Variants in MKLN1 observed in about 807,000 individuals in gnomAD.
MKLN1 encodes the protein muskelin.
In MKLN1, 18 loss-of-function variants were observed where a neutral mutation model predicts 99.0. The observed-to-expected ratio is 0.18, with a 90% confidence interval of 0.13 to 0.27. The LOEUF is 0.27. Ranked by LOEUF, MKLN1 falls within the 10% of genes least tolerant of loss-of-function variation. The probability of loss-of-function intolerance (pLI) is 1.00; values close to 1 mark genes in which losing one functional copy is unlikely to be tolerated. For missense variants in MKLN1, 621 were observed against 875.9 expected, an observed-to-expected ratio of 0.71 and a Z score of 3.67; for synonymous variants, 288 against 293.2, an observed-to-expected ratio of 0.98 and a Z score of 0.18.
At chr7:131,307,871 A>G (rs1469292868) in intron 3 of MKLN1, among the ~76,000 whole-genome samples, 2 of 152,204 alleles carry the variant, frequency 1.3e-5, no homozygotes, top group Admixed American at 6.5e-5. Context: ...TTGAGGAGGA[A>G]TAATTGTATT....
At chr7:131,330,250 A>G (rs1217255335) in intron 1 of MKLN1, among the ~76,000 whole-genome samples, 1 of 152,240 alleles carries the variant, frequency 6.6e-6, no homozygotes, top group African/African-American at 2.4e-5. Context: ...TGGAAACCAT[A>G]TTAAGGTACT....
intron 1 of MKLN1, among the ~76,000 whole-genome samples, chr7:131,111,036 C>T (rs1460330821): frequency 6.6e-6 from 1 of 152,216 alleles, no homozygotes; most frequent in Non-Finnish European, 1.5e-5. Context: ...ACATTACTTC[C>T]TTCACTGGAG....
chr7:131,362,608 A>AT (rs1424017663), intron 1 of MKLN1, among the ~76,000 whole-genome samples: 1 of 151,818 alleles, frequency 6.6e-6, no homozygotes, highest in African/African-American at 2.4e-5. Context: ...CCAATTATAT[A>AT]TTTTTTTGTC....
chr7:131,457,097 G>A (rs1028213846), intron 12 of MKLN1, among the ~76,000 whole-genome samples: 1 of 151,688 alleles, frequency 6.6e-6, no homozygotes, highest in African/African-American at 2.4e-5. Flanking sequence ...GACCAACATG[G>A]AGAAACCCCG....
At chr7:131,133,851 C>T (rs112625722) in intron 1 of MKLN1, among the ~76,000 whole-genome samples, 39,859 of 81,640 alleles carry the variant, frequency 0.49, 8,981 homozygotes, top group East Asian at 0.78. Flanking sequence ...TTTTTTGAGA[C>T]GAAGTTTTGC....
rs543994346 is a variant in MKLN1 at position 131,435,494 on chromosome 7, A to G, written c.961-2291A>G. Among the ~76,000 whole-genome samples, 3 of 152,240 alleles carry G rather than the reference A, an allele frequency of 2.0e-5. No individual in the cohort carries two copies. The East Asian group carries it at 5.8e-4, about 29-fold the overall frequency. On this transcript the variant is annotated intron_variant, in intron 9 of 17. Coordinates refer to ENST00000352689, the MANE Select transcript of MKLN1 (RefSeq NM_013255.5). ...CTTGATTTTCTGAAAAATTTTGTCT[A>G]AAACTGATACCATTTTTTCCTTAAG...
intron 1 of MKLN1, among the ~76,000 whole-genome samples, chr7:131,365,293 T>C (rs1183373036): frequency 6.6e-6 from 1 of 152,172 alleles, no homozygotes; most frequent in African/African-American, 2.4e-5. Context: ...TTGCCTACTT[T>C]TTAACTGGGT....
chr7:131,219,025 C>T (rs4425681), intron 3 of MKLN1, among the ~76,000 whole-genome samples: 110,442 of 151,948 alleles, frequency 0.73, 40,936 homozygotes, highest in East Asian at 0.97. Context: ...GAACAGAAAG[C>T]AGAATGGTGG....
intron 3 of MKLN1, among the ~76,000 whole-genome samples, chr7:131,322,649 C>T (rs562665670): frequency 1.4e-5 from 2 of 146,778 alleles, no homozygotes; most frequent in African/African-American, 5.0e-5. Flanking sequence ...CGGCTCACTG[C>T]AAGCTCCGCT....
chr7:131,229,007 G>T (rs941539825), intron 3 of MKLN1, among the ~76,000 whole-genome samples: 34 of 152,122 alleles, frequency 2.2e-4, no homozygotes, highest in Non-Finnish European at 4.3e-4. Context: ...TTATAGTCTG[G>T]TTTTATACAT....
intron 2 of MKLN1, among the ~76,000 whole-genome samples, chr7:131,173,968 CT>C (rs796102760): frequency 2.6e-4 from 31 of 118,652 alleles, no homozygotes; most frequent in Non-Finnish European, 3.0e-4. Flanking sequence ...AGACCTTTTT[CT>C]TTTTCTTTTT....
chr7:131,465,570 G>T (rs906139973), intron 14 of MKLN1, among the ~76,000 whole-genome samples: 2 of 151,502 alleles, frequency 1.3e-5, no homozygotes, highest in African/African-American at 2.4e-5. Context: ...ACGGAGTCTC[G>T]GTCTGTTGCC....
chr7:131,412,040 T>C (rs2116331382), intron 7 of MKLN1, among the ~76,000 whole-genome samples: 1 of 151,786 alleles, frequency 6.6e-6, no homozygotes, highest in Admixed American at 6.6e-5. Context: ...TCAGCCGTGT[T>C]CATACCACTG....
At chr7:131,321,232 T>C (rs1393157423) in intron 3 of MKLN1, among the ~76,000 whole-genome samples, 2 of 139,594 alleles carry the variant, frequency 1.4e-5, no homozygotes, top group South Asian at 2.4e-4. Flanking sequence ...ATAAACACCA[T>C]GGAATACTAT....
chr7:131,325,355 A>G (rs576244543), upstream of MKLN1, among the ~76,000 whole-genome samples: 9 of 152,290 alleles, frequency 5.9e-5, no homozygotes, highest in South Asian at 1.9e-3. Context: ...TAGGAAAAAA[A>G]AAATGAAGAA....
chr7:131,292,057 T>C (rs921611987), intron 3 of MKLN1, among the ~76,000 whole-genome samples: 1 of 152,074 alleles, frequency 6.6e-6, no homozygotes, highest in African/African-American at 2.4e-5. Flanking sequence ...TAGTGAGCTA[T>C]GACCATGACA....
chr7:131,123,691 G>T (rs1795410546), intron 1 of MKLN1, among the ~76,000 whole-genome samples: 1 of 152,088 alleles, frequency 6.6e-6, no homozygotes, highest in African/African-American at 2.4e-5. Flanking sequence ...GGGAGGCTGA[G>T]GCAGGAGAAT....
In MKLN1 at chr7:131,350,226, CT is replaced by C. The variant is rs757358062; in HGVS notation, c.98+22243del. Among the ~76,000 whole-genome samples the C allele has an allele frequency of 5.5e-3, 776 of 140,106 alleles. 7 individuals carry two copies. The highest frequency in any genetic ancestry group is 8.2e-3 in the Admixed American group (115 of 13,968). The allele number at this position is 140,106 out of a possible 152,430, so 91.9% of individuals were successfully genotyped here. On this transcript the variant is annotated intron_variant, in intron 1 of 17. Transcript: ENST00000352689. ...TTTTTTATTTCATTTTATTTAAAAT[CT>C]TTTTTTTTTTTTTGGTAGAGTTGGG...
At chr7:131,203,634 T>A (rs1796762880) in intron 3 of MKLN1, among the ~76,000 whole-genome samples, 1 of 152,216 alleles carries the variant, frequency 6.6e-6, no homozygotes, top group Non-Finnish European at 1.5e-5. Context: ...TGTCAACTGA[T>A]TGGGCCAGAA....
Sources: allele counts gnomAD v4.1 joint callset (sites outside exome capture counted in the v4.1 genomes callset), GRCh38; gene constraint gnomAD v4.1.1; transcripts MANE v1.5; gene names NCBI Gene and HGNC (gene_info 2026-07-23, HGNC 2026-07-21).